Variants in IL15 observed in about 807,000 individuals in gnomAD.
The protein encoded by IL15 is interleukin-15.
A neutral mutation model predicts 19.6 loss-of-function variants in IL15; 11 were observed. That is an observed-to-expected ratio of 0.56 (90% CI 0.35 to 0.93). The LOEUF (loss-of-function observed/expected upper bound fraction) is 0.93, where lower values mean the gene tolerates loss of function less well. Among genes scored for constraint, IL15 ranks in the 40% least tolerant of loss-of-function variants. The pLI is 0.01. For missense variants in IL15, 197 were observed against 186.5 expected, an observed-to-expected ratio of 1.06 and a Z score of -0.33; for synonymous variants, 58 against 59.6, an observed-to-expected ratio of 0.97 and a Z score of 0.12.
intron 2 of IL15, among the ~76,000 whole-genome samples, chr4:141,673,928 A>G (rs1420845912): frequency 6.6e-6 from 1 of 152,158 alleles, no homozygotes. Flanking sequence ...AATTATTTGG[A>G]CCAGCTAAAC....
rs549926341 is a variant in IL15, at chr4:141,651,717, A to T, written c.-221-4469A>T. 1.8e-4 allele frequency among the ~76,000 whole-genome samples: 28 copies of T among 152,234 alleles called. No individual in the cohort carries two copies. The South Asian group carries it at 5.0e-3, about 27-fold the overall frequency. On this transcript the variant is annotated intron_variant, in intron 1 of 7. Transcript: ENST00000320650. ...GGATGATATACATATATATTCGGTAAGATTTTTCAATTTTCTTTGTTCTCA... is the reference window on the plus strand; with the variant it reads ...GGATGATATACATATATATTCGGTATGATTTTTCAATTTTCTTTGTTCTCA...
intron 2 of IL15, among the ~76,000 whole-genome samples, chr4:141,698,467 C>CT (rs1213934167): frequency 5.1e-4 from 74 of 146,154 alleles, no homozygotes; most frequent in Non-Finnish European, 6.7e-4. Context: ...TGGTCCTGGA[C>CT]TTTTTTTTTT....
chr4:141,717,181 G>A (rs1729914273), intron 2 of IL15: 1 of 152,182 alleles, frequency 6.6e-6, no homozygotes, highest in South Asian at 2.1e-4. Flanking sequence ...AGGATGGAAT[G>A]AATATATTTT....
chr4:141,720,321 T>A, intron 3 of IL15, 148 bp from the exon 4 acceptor site: 1 of 571,000 alleles, frequency 1.8e-6, no homozygotes, highest in Admixed American at 3.5e-5. Context: ...AAAGATAAAT[T>A]ATAGTTTTAT....
At chr4:141,675,382 C>T (rs1466636133) in intron 2 of IL15, among the ~76,000 whole-genome samples, 1 of 152,108 alleles carries the variant, frequency 6.6e-6, no homozygotes, top group African/African-American at 2.4e-5. Flanking sequence ...GTGGTACATA[C>T]TAAACTACTG....
At chr4:141,667,096 A>G (rs1201636497) in intron 2 of IL15, among the ~76,000 whole-genome samples, 2 of 152,212 alleles carry the variant, frequency 1.3e-5, no homozygotes, top group Non-Finnish European at 2.9e-5. Context: ...TCCCATTTAC[A>G]CAGGAATGGA....
chr4:141,654,668 C>A lies in IL15; in HGVS notation c.-221-1518C>A, dbSNP rs370428958. ...GAGGCCTATGATGTGGATAGATAAGCTCTAACTTTTTAATATTTCTGCTGT... is the reference window on the plus strand; with the variant it reads ...GAGGCCTATGATGTGGATAGATAAGATCTAACTTTTTAATATTTCTGCTGT... On this transcript the variant is annotated intron_variant, in intron 1 of 7. Transcript: ENST00000320650. 1.2e-4 allele frequency among the ~76,000 whole-genome samples: 18 copies of A among 152,214 alleles called. No individual in the cohort carries two copies. The East Asian group carries it at 2.7e-3, about 23-fold the overall frequency.
rs911546515 is a variant in IL15 at position 141,666,346 on chromosome 4, C to T, written c.-100+10039C>T. Among the ~76,000 whole-genome samples the T allele has an allele frequency of 3.9e-5, 6 of 152,030 alleles. No homozygotes were observed. In the South Asian group the frequency reaches 1.2e-3, roughly 31 times the overall value. ...CACGAGGTCAGGAGATCGCTCCCCA[C>T]CTTTTAATTTAAAATTTTCAATTTT... On this transcript the variant is annotated intron_variant, in intron 2 of 7. Coordinates refer to ENST00000320650, the MANE Select transcript of IL15 (RefSeq NM_000585.5).
intron 5 of IL15, among the ~76,000 whole-genome samples, chr4:141,724,137 A>G (rs1167247022): frequency 2.0e-5 from 3 of 152,112 alleles, no homozygotes. Flanking sequence ...ACCACAATGG[A>G]ATCAAACCAG....
In IL15 at chr4:141,655,207, C is replaced by T. The variant is rs187016960; in HGVS notation, c.-221-979C>T. ...TCCTGGTAGGAGTGGGGAAAGGGCT[C>T]AGGGAATGGGCCTCTCTTAAGTGTG... On this transcript the variant is annotated intron_variant, in intron 1 of 7. Transcript: ENST00000320650. Among the ~76,000 whole-genome samples, 322 of 152,026 alleles carry T rather than the reference C, an allele frequency of 2.1e-3. 3 individuals carry two copies. Among genetic ancestry groups the T allele is most frequent in the African/African-American group, 7.5e-3 (313 of 41,464 alleles).
intron 2 of IL15, among the ~76,000 whole-genome samples, chr4:141,702,474 A>T (rs1295822572): frequency 6.6e-6 from 1 of 152,188 alleles, no homozygotes; most frequent in Non-Finnish European, 1.5e-5. Flanking sequence ...AGTGACGTAG[A>T]CTGAGATTCC....
chr4:141,651,255 A>G (rs1301373391), intron 1 of IL15, among the ~76,000 whole-genome samples: 2 of 152,026 alleles, frequency 1.3e-5, no homozygotes, highest in Admixed American at 1.3e-4. Context: ...TCAGCCATAA[A>G]AATATTAAAA....
intron 2 of IL15, among the ~76,000 whole-genome samples, chr4:141,672,118 T>C (rs1728195205): frequency 6.6e-6 from 1 of 152,226 alleles, no homozygotes; most frequent in East Asian, 1.9e-4. Flanking sequence ...TTCATAGTCA[T>C]TGTTGTTTGT....
intron 2 of IL15, among the ~76,000 whole-genome samples, chr4:141,685,501 G>A (rs1340889654): frequency 2.0e-5 from 3 of 152,058 alleles, no homozygotes; most frequent in Non-Finnish European, 2.9e-5. Flanking sequence ...TGGAATATAT[G>A]CCATGCATTT....
chr4:141,712,602 A>G (rs1729748529), intron 2 of IL15, among the ~76,000 whole-genome samples: 1 of 148,308 alleles, frequency 6.7e-6, no homozygotes, highest in Admixed American at 6.8e-5. Flanking sequence ...ATTTCTATAA[A>G]TAAATATATT....
intron 1 of IL15, among the ~76,000 whole-genome samples, chr4:141,639,253 A>G (rs1307308783): frequency 6.6e-6 from 1 of 152,224 alleles, no homozygotes; most frequent in Non-Finnish European, 1.5e-5. Flanking sequence ...ATTTGCATAC[A>G]AATATTTCGT....
At chr4:141,656,838 T>G (rs979405069) in intron 2 of IL15, among the ~76,000 whole-genome samples, 1 of 152,146 alleles carries the variant, frequency 6.6e-6, no homozygotes, top group African/African-American at 2.4e-5. Context: ...TTTGAATGAG[T>G]TTATGTAAGG....
rs142302978 is a variant in IL15, at chr4:141,667,068, G to A, written c.-100+10761G>A. 2.8e-3 allele frequency among the ~76,000 whole-genome samples: 420 copies of A among 152,304 alleles called. 6 individuals are homozygous for A. The highest frequency in any genetic ancestry group is 0.021 in the Admixed American group (316 of 15,300). Reference sequence around the variant, plus strand: ...GAAAGGTGAAGAAGAACTCATCCACGTGCGGGTGGGTGGCACATCCCATTT... The same window carrying A: ...GAAAGGTGAAGAAGAACTCATCCACATGCGGGTGGGTGGCACATCCCATTT... On this transcript the variant is annotated intron_variant, in intron 2 of 7. Coordinates refer to ENST00000320650, the MANE Select transcript of IL15 (RefSeq NM_000585.5).
intron 1 of IL15, among the ~76,000 whole-genome samples, chr4:141,648,953 G>C (rs1727317261): frequency 6.6e-6 from 1 of 152,134 alleles, no homozygotes; most frequent in Non-Finnish European, 1.5e-5. Context: ...TGCTGTGAAG[G>C]ATAAAAAGAC....
Sources: allele counts gnomAD v4.1 joint callset (sites outside exome capture counted in the v4.1 genomes callset), GRCh38; gene constraint gnomAD v4.1.1; transcripts MANE v1.5; gene names NCBI Gene and HGNC (gene_info 2026-07-23, HGNC 2026-07-21).